MAPKAPK3: variants seen among roughly 807,000 people sequenced by gnomAD.
The protein encoded by MAPKAPK3 is MAPK activated protein kinase 3.
A neutral mutation model predicts 49.2 loss-of-function variants in MAPKAPK3; 35 were observed. The observed-to-expected ratio is 0.71, with a 90% CI of 0.54 to 0.94. The LOEUF is 0.94. MAPKAPK3 is among the 40% of genes least tolerant of loss of function. The pLI is 0.00. For missense variants in MAPKAPK3, 398 were observed against 493.1 expected (o/e 0.81, Z 1.83); for synonymous variants, 178 against 188.7 (o/e 0.94, Z 0.46).
Position 50,617,559 on chromosome 3 carries a change from G to A in MAPKAPK3, c.-7G>A. On this transcript the variant is annotated 5_prime_UTR_variant, in exon 2 of 11. Transcript: ENST00000621469. The stretch of plus-strand genomic sequence containing the variant: ...CTGGGGCCGCCTCTGAGCGCCCCGC[G>A]GGGGCCATGGATGGTGAAACAGCAG... 1 of 1,454,606 alleles carries A rather than the reference G, an allele frequency of 6.9e-7. No individual in the cohort carries two copies. The highest frequency in any genetic ancestry group is 9.6e-7 in the Non-Finnish European group (1 of 1,046,744). The allele number at this position is 1,454,606 out of a possible 1,614,324, so 90.1% of individuals were successfully genotyped here.
At chr3:50,640,322 A>G (rs1289414346) in intron 2 of MAPKAPK3, 44 bp from the exon 3 acceptor site, 2 of 1,587,430 alleles carry the variant, frequency 1.3e-6, no homozygotes, top group Non-Finnish European at 8.6e-7. Flanking sequence ...AAATGATGGT[A>G]GAGGGCTCTG....
chr3:50,628,971 G>A (rs1220289132), intron 2 of MAPKAPK3, among the ~76,000 whole-genome samples: 1 of 152,178 alleles, frequency 6.6e-6, no homozygotes, highest in Admixed American at 6.5e-5. Context: ...GTAGGGGGCT[G>A]CCACAAAGAA....
intron 2 of MAPKAPK3, among the ~76,000 whole-genome samples, chr3:50,639,088 G>C (rs1415473240): frequency 6.6e-6 from 1 of 152,184 alleles, no homozygotes; most frequent in Non-Finnish European, 1.5e-5. Flanking sequence ...GTGCTGGTTG[G>C]CAGCCACAGT....
At chr3:50,628,870 T>C (rs2032830551) in intron 2 of MAPKAPK3, among the ~76,000 whole-genome samples, 1 of 152,198 alleles carries the variant, frequency 6.6e-6, no homozygotes, top group Admixed American at 6.5e-5. Context: ...GTGAAAGGAC[T>C]GGCCATGGTC....
intron 8 of MAPKAPK3, 35 bp from the exon 9 acceptor site, chr3:50,646,705 T>A: frequency 1.3e-6 from 2 of 1,575,060 alleles, no homozygotes; most frequent in Non-Finnish European, 8.7e-7. Context: ...GGCTCTGCAA[T>A]CTCATCTCTC....
At chr3:50,638,680 G>A (rs997121999) in intron 2 of MAPKAPK3, among the ~76,000 whole-genome samples, 4 of 152,198 alleles carry the variant, frequency 2.6e-5, no homozygotes, top group South Asian at 2.1e-4. Flanking sequence ...CAGCAGGCTC[G>A]AGAAACCACT....
intron 10 of MAPKAPK3, 104 bp downstream of exon 10, chr3:50,647,307 T>A: frequency 1.2e-6 from 1 of 864,398 alleles, no homozygotes; most frequent in Non-Finnish European, 1.9e-6. Flanking sequence ...CCCCTTTCTA[T>A]ACCTGGAGCA....
chr3:50,640,510 G>T lies in MAPKAPK3; in HGVS notation c.359+5G>T. The T allele has an allele frequency of 6.2e-7, 1 of 1,606,976 alleles. No homozygotes were observed. Among genetic ancestry groups the T allele is most frequent in the Non-Finnish European group, 8.5e-7 (1 of 1,174,696 alleles). ...TCTCCTCATCATCATGGAATGGTAT[G>T]CTGGCCTGCCCTGTCTCCACACCCC... is the stretch of plus-strand genomic sequence containing the variant. On this transcript the variant is annotated splice_donor_5th_base_variant and intron_variant, in intron 3 of 10. Coordinates refer to ENST00000621469, the MANE Select transcript of MAPKAPK3 (RefSeq NM_001243925.2).
chr3:50,625,484 T>C (rs1431944914), intron 2 of MAPKAPK3, among the ~76,000 whole-genome samples: 1 of 152,154 alleles, frequency 6.6e-6, no homozygotes, highest in Non-Finnish European at 1.5e-5. Flanking sequence ...CCGTGGAGGT[T>C]TGGCTTAGAG....
chr3:50,647,050 G>T, intron 9 of MAPKAPK3, 73 bp from the exon 10 acceptor site: 1 of 1,322,450 alleles, frequency 7.6e-7, no homozygotes, highest in Non-Finnish European at 1.1e-6. Flanking sequence ...GGGAGAAGAG[G>T]ATGGAGTAGG....
rs554755502 is a variant in MAPKAPK3, at chr3:50,645,403, C to T, written c.629-307C>T. Among the ~76,000 whole-genome samples, 17 of 152,306 alleles carry T rather than the reference C, an allele frequency of 1.1e-4. No individual in the cohort carries two copies. The East Asian group carries it at 1.9e-3, about 17-fold the overall frequency. ...TGGCAGGCCAAGACCCTCTCACCTACGGTAGCTTCCCACCAAGCCCCAGAC... is the reference window on the plus strand; with the variant it reads ...TGGCAGGCCAAGACCCTCTCACCTATGGTAGCTTCCCACCAAGCCCCAGAC... On this transcript the variant is annotated intron_variant, in intron 6 of 10. Coordinates refer to ENST00000621469, the MANE Select transcript of MAPKAPK3 (RefSeq NM_001243925.2).
At chr3:50,615,384 T>C (rs951463254), upstream of MAPKAPK3, among the ~76,000 whole-genome samples, 1 of 152,240 alleles carries the variant, frequency 6.6e-6, no homozygotes, top group Non-Finnish European at 1.5e-5. Flanking sequence ...ATACGTGTTA[T>C]ATGCATGTGT....
rs183335107 is a variant in MAPKAPK3 at position 50,620,797 on chromosome 3, A to G, written c.219+3013A>G. ...CCTCATTGCTGTCCTCTTGGCAGGA[A>G]CTGGAGGACTGCCTTTCTTGGAGAG... On this transcript the variant is annotated intron_variant, in intron 2 of 10. Coordinates refer to ENST00000621469, the MANE Select transcript of MAPKAPK3 (RefSeq NM_001243925.2). Among the ~76,000 whole-genome samples, 171 of 152,280 alleles carry G rather than the reference A, an allele frequency of 1.1e-3. 1 individual carries two copies. Among genetic ancestry groups the G allele is most frequent in the Admixed American group, 8.8e-3 (135 of 15,304 alleles).
At chr3:50,611,598 G>T (rs1354348114), upstream of MAPKAPK3, 2 of 1,522,958 alleles carry the variant, frequency 1.3e-6, no homozygotes, top group East Asian at 2.7e-5. Context: ...GCCCCTCGTG[G>T]TGGCCGGGAA....
chr3:50,626,162 T>A (rs1380971446), intron 2 of MAPKAPK3, among the ~76,000 whole-genome samples: 1 of 151,934 alleles, frequency 6.6e-6, no homozygotes, highest in Non-Finnish European at 1.5e-5. Flanking sequence ...GGTCTGAGAC[T>A]TTTGCTTGGG....
chr3:50,621,072 G>A (rs918558321), intron 2 of MAPKAPK3, among the ~76,000 whole-genome samples: 1 of 152,146 alleles, frequency 6.6e-6, no homozygotes, highest in East Asian at 1.9e-4. Context: ...GCAGAGGCCC[G>A]AATTTTCTCC....
At chr3:50,637,239 C>A (rs926181766) in intron 2 of MAPKAPK3, among the ~76,000 whole-genome samples, 5 of 152,172 alleles carry the variant, frequency 3.3e-5, no homozygotes, top group African/African-American at 1.2e-4. Context: ...TGCTCGGAAG[C>A]CCAGTGTTTC....
At chr3:50,620,252 G>A (rs532682397) in intron 2 of MAPKAPK3, among the ~76,000 whole-genome samples, 1 of 152,066 alleles carries the variant, frequency 6.6e-6, no homozygotes, top group Non-Finnish European at 1.5e-5. Flanking sequence ...CAGTACATGG[G>A]CAGGCCTGGG....
At chr3:50,611,946 C>A (rs542332876) in exon 1 of MAPKAPK3, 16 of 421,806 alleles carry the variant, frequency 3.8e-5, no homozygotes, top group South Asian at 2.4e-4. Context: ...GCGCGGGCCC[C>A]GTCGCCGGGT....
Sources: gnomAD v4.1 joint callset for allele counts (sites outside exome capture counted in the v4.1 genomes callset) on GRCh38, gnomAD v4.1.1 for gene constraint, MANE v1.5 for transcripts, NCBI Gene and HGNC (gene_info 2026-07-23, HGNC 2026-07-21) for gene names.